The following NCKAP5 variants were observed in gnomAD, a reference collection of about 807,000 sequenced individuals.
NCKAP5 encodes nck-associated protein 5.
NCKAP5 carries 92 observed loss-of-function variants against 167.0 expected under a neutral mutation model. The ratio of observed to expected loss-of-function variants is 0.55; its 90% CI spans 0.47 to 0.66. The LOEUF is 0.66. Ranked by LOEUF, NCKAP5 falls within the 30% of genes least tolerant of loss-of-function variation. The pLI is 0.00. For synonymous variants in NCKAP5, 891 were observed against 877.4 expected, an observed-to-expected ratio of 1.02 and a Z score of -0.27; for missense variants, 2,378 against 2,315.0, an observed-to-expected ratio of 1.03 and a Z score of -0.56.
At chr2:132,693,617 G>GC (rs1687017939) in intron 19 of NCKAP5, among the ~76,000 whole-genome samples, 1 of 123,756 alleles carries the variant, frequency 8.1e-6, no homozygotes, top group East Asian at 2.5e-4. Flanking sequence ...ACCCCACCCC[G>GC]CCTTTTTTTT....
intron 7 of NCKAP5, among the ~76,000 whole-genome samples, chr2:132,978,614 A>G (rs1310591531): frequency 6.6e-6 from 1 of 152,178 alleles, no homozygotes; most frequent in East Asian, 1.9e-4. Context: ...ATCACCCCAC[A>G]TGGTGACTGA....
chr2:132,878,812 C>T, intron 9 of NCKAP5, 36 bp downstream of exon 9: 1 of 1,527,512 alleles, frequency 6.5e-7, no homozygotes, highest in East Asian at 2.2e-5. Flanking sequence ...CCCAACTAGT[C>T]CAGCCTTGGA....
chr2:133,008,483 T>C (rs1444243805), intron 6 of NCKAP5, among the ~76,000 whole-genome samples: 2 of 152,164 alleles, frequency 1.3e-5, no homozygotes, highest in Non-Finnish European at 2.9e-5. Context: ...TCTATAAACA[T>C]GGAAAAGCAG....
chr2:133,324,508 G>C lies in NCKAP5; in HGVS notation c.70-21398C>G, dbSNP rs1004325127. Among the ~76,000 whole-genome samples the C allele has an allele frequency of 3.9e-5, 6 of 152,294 alleles. No individual in the cohort carries two copies. The East Asian group carries it at 5.8e-4, about 15-fold the overall frequency. On this transcript the variant is annotated intron_variant, in intron 3 of 19. Transcript: ENST00000409261. ...CTCTCTTTGGCCTCTGCAGTTGTGA[G>C]GCCGGGAGATGTGGTTCTGAAACCC...
intron 11 of NCKAP5, among the ~76,000 whole-genome samples, chr2:132,824,774 A>G (rs965387520): frequency 6.6e-6 from 1 of 152,154 alleles, no homozygotes; most frequent in African/African-American, 2.4e-5. Context: ...CAGAGCTTTC[A>G]TCTTGCTGGC....
At chr2:133,278,816 G>A (rs2089835417) in intron 4 of NCKAP5, among the ~76,000 whole-genome samples, 1 of 150,456 alleles carries the variant, frequency 6.6e-6, no homozygotes, top group African/African-American at 2.4e-5. Context: ...TAAAATAAGG[G>A]GGAAAGGCCA....
intron 6 of NCKAP5, among the ~76,000 whole-genome samples, chr2:133,115,822 TCA>T (rs141741244): frequency 1.1e-4 from 13 of 122,908 alleles, no homozygotes; most frequent in Non-Finnish European, 1.6e-4. Flanking sequence ...TATATAGTGT[TCA>T]CACACACACA....
chr2:133,080,093 A>G (rs1331333107), intron 6 of NCKAP5, among the ~76,000 whole-genome samples: 4 of 152,170 alleles, frequency 2.6e-5, no homozygotes, highest in East Asian at 3.8e-4. Context: ...CCAGAAGAGA[A>G]CTGATACATA....
chr2:133,278,701 T>C (rs550815719), intron 4 of NCKAP5, among the ~76,000 whole-genome samples: 3 of 136,510 alleles, frequency 2.2e-5, no homozygotes, highest in Non-Finnish European at 4.7e-5. Context: ...ATTTTTAAAA[T>C]AAATTGAAAG....
At chr2:133,487,806 C>T (rs1340737797) in intron 3 of NCKAP5, among the ~76,000 whole-genome samples, 4 of 152,154 alleles carry the variant, frequency 2.6e-5, no homozygotes, top group South Asian at 4.1e-4. Flanking sequence ...CCCAGAAAGA[C>T]GTAAAGTCCA....
At chr2:133,241,592 A>G (rs2087706875) in intron 4 of NCKAP5, among the ~76,000 whole-genome samples, 1 of 152,170 alleles carries the variant, frequency 6.6e-6, no homozygotes, top group African/African-American at 2.4e-5. Context: ...TGTCTATGGT[A>G]ACCTTCCTCC....
At chr2:133,242,996 G>A (rs2087796842) in intron 4 of NCKAP5, among the ~76,000 whole-genome samples, 1 of 152,094 alleles carries the variant, frequency 6.6e-6, no homozygotes, top group African/African-American at 2.4e-5. Flanking sequence ...TCATAATCAT[G>A]TTTCTTTCAC....
intron 4 of NCKAP5, among the ~76,000 whole-genome samples, chr2:133,263,688 C>T (rs1053330239): frequency 1.3e-4 from 20 of 152,052 alleles, no homozygotes; most frequent in African/African-American, 4.3e-4. Flanking sequence ...TACACAAAGG[C>T]CTTCTGTACA....
intron 6 of NCKAP5, among the ~76,000 whole-genome samples, chr2:133,065,315 C>T (rs536431040): frequency 2.6e-4 from 40 of 152,288 alleles, no homozygotes; most frequent in African/African-American, 8.2e-4. Flanking sequence ...ACAGCCATTT[C>T]TATAGTTTTC....
chr2:133,648,527 A>G, the NCKAP5 span, among the ~76,000 whole-genome samples: 4 of 152,148 alleles, frequency 2.6e-5, no homozygotes, highest in Admixed American at 2.0e-4. Flanking sequence ...TTCTTCACTA[A>G]TTTATATAGA....
intron 19 of NCKAP5, among the ~76,000 whole-genome samples, chr2:132,681,214 C>A (rs1399135679): frequency 6.6e-6 from 1 of 152,044 alleles, no homozygotes; most frequent in Non-Finnish European, 1.5e-5. Flanking sequence ...ACTTCTAAAT[C>A]TACTCAAGTA....
At chr2:133,610,651 A>G in the NCKAP5 span, among the ~76,000 whole-genome samples, 6 of 152,260 alleles carry the variant, frequency 3.9e-5, no homozygotes, top group Admixed American at 2.6e-4. Flanking sequence ...AGGCTCCAAA[A>G]CAGACTAACA....
chr2:132,891,316 C>T (rs1250904160), intron 8 of NCKAP5, among the ~76,000 whole-genome samples: 1 of 152,160 alleles, frequency 6.6e-6, no homozygotes, highest in Admixed American at 6.5e-5. Context: ...ACATCTCTAA[C>T]AAGTTCCCAG....
upstream of NCKAP5, among the ~76,000 whole-genome samples, chr2:133,572,346 C>G (rs1478376317): frequency 6.6e-6 from 1 of 152,230 alleles, no homozygotes; most frequent in Admixed American, 6.5e-5. Flanking sequence ...CAACCGCAAA[C>G]CCATGTGACT....
Sources: gnomAD v4.1 joint callset for allele counts (sites outside exome capture counted in the v4.1 genomes callset) on GRCh38, gnomAD v4.1.1 for gene constraint, MANE v1.5 for transcripts, NCBI Gene and HGNC (gene_info 2026-07-23, HGNC 2026-07-21) for gene names.